The following ADGRG6 variants were observed in gnomAD, a reference collection of about 807,000 sequenced individuals.
ADGRG6 encodes G-protein coupled receptor 126.
ADGRG6 carries 84 observed loss-of-function variants against 142.4 expected under a neutral mutation model. The observed-to-expected ratio is 0.59, with a 90% confidence interval of 0.49 to 0.71. The LOEUF is 0.71. ADGRG6 is among the 30% of genes least tolerant of loss of function. The pLI is 0.00. For missense variants in ADGRG6, 1,367 were observed against 1,466.6 expected, an observed-to-expected ratio of 0.93 and a Z score of 1.11; for synonymous variants, 521 against 520.5, an observed-to-expected ratio of 1.00 and a Z score of -0.01.
At chr6:142,347,569 C>A (rs1583017500) in intron 2 of ADGRG6, among the ~76,000 whole-genome samples, 1 of 152,006 alleles carries the variant, frequency 6.6e-6, no homozygotes, top group East Asian at 1.9e-4. Context: ...CTCAGTGGCA[C>A]AAGGATTCTG....
In ADGRG6 at chr6:142,420,029, G is replaced by T; in HGVS notation, c.3244G>T (p.Gly1082Cys). The T allele has an allele frequency of 6.2e-7, 1 of 1,613,300 alleles. No individual in the cohort carries two copies. Among genetic ancestry groups the T allele is most frequent in the Non-Finnish European group, 8.5e-7 (1 of 1,179,436 alleles). ...GACCTTTCTGTTGGGCATGACATGGGGTTTTGCATTCTTTGCCTGGGGACC... is the reference window on the plus strand; with the variant it reads ...GACCTTTCTGTTGGGCATGACATGGTGTTTTGCATTCTTTGCCTGGGGACC... Reference protein sequence around the residue: ...SLTFLLGMTWGFAFFAWGPLN... With the variant: ...SLTFLLGMTWCFAFFAWGPLN... Residue 1082 changes from glycine to cysteine, a missense_variant, in exon 22 of 25, where the codon GGT becomes TGT. Coordinates refer to ENST00000367609, the MANE Select transcript of ADGRG6 (RefSeq NM_198569.3).
At chr6:142,318,300 ATATT>A (rs1234203985) in intron 2 of ADGRG6, among the ~76,000 whole-genome samples, 1 of 84,502 alleles carries the variant, frequency 1.2e-5, no homozygotes, top group East Asian at 4.0e-4. Flanking sequence ...TATATTATAT[ATATT>A]TATATTATAT....
chr6:142,439,918 T>G (rs894606117), intron 24 of ADGRG6, among the ~76,000 whole-genome samples: 1 of 152,248 alleles, frequency 6.6e-6, no homozygotes, highest in Non-Finnish European at 1.5e-5. Context: ...TGAATTATTT[T>G]TTTCACTTTA....
At position 142,405,836 on chromosome 6, in the gene ADGRG6, C is replaced by CA; in HGVS notation, c.2268+9dup. The CA allele has an allele frequency of 6.4e-7, 1 of 1,565,786 alleles. No homozygotes were observed. The highest frequency in any genetic ancestry group is 1.4e-5 in the African/African-American group (1 of 72,832). On this transcript the variant is annotated intron_variant, in intron 15 of 24. Transcript: ENST00000367609. ...AAAACTGGACTTTTCCAGGTAAGCA[C>CA]ATTCATTAAATTATTGTTTTTCAAC...
In ADGRG6 at chr6:142,402,762, A is replaced by C. The variant is rs1477507939; in HGVS notation, c.1887A>C (p.Ser629=). The C allele has an allele frequency of 6.2e-7, 1 of 1,601,316 alleles. No homozygotes were observed. Among genetic ancestry groups the C allele is most frequent in the East Asian group, 2.2e-5 (1 of 44,716 alleles). The change falls in exon 13 of 25, where the codon TCA becomes TCC. Residue 629 remains serine (S), a synonymous_variant. Coordinates refer to ENST00000367609, the MANE Select transcript of ADGRG6 (RefSeq NM_198569.3). The part of the protein sequence containing the change: ...KEENIDITLG[S]TLMNIFSNIL... ...AAAACATTGATATAACACTTGGCTCAACTCTAATGAATATATTTTCTAATA... is the reference window on the plus strand; with the variant it reads ...AAAACATTGATATAACACTTGGCTCCACTCTAATGAATATATTTTCTAATA...
intron 22 of ADGRG6, among the ~76,000 whole-genome samples, chr6:142,429,401 C>T (rs907673460): frequency 1.5e-5 from 2 of 130,588 alleles, no homozygotes; most frequent in African/African-American, 6.0e-5. Flanking sequence ...ACAAGTGAAA[C>T]ATCAGCTTGG....
At chr6:142,333,222 A>G (rs1401441876) in intron 2 of ADGRG6, among the ~76,000 whole-genome samples, 1 of 152,126 alleles carries the variant, frequency 6.6e-6, no homozygotes, top group Admixed American at 6.5e-5. Context: ...TTGTCATTCA[A>G]ACTCCTCTAG....
chr6:142,362,255 G>A (rs919211163), intron 2 of ADGRG6, among the ~76,000 whole-genome samples: 4 of 152,106 alleles, frequency 2.6e-5, no homozygotes, highest in Non-Finnish European at 5.9e-5. Context: ...TCAAGTAAGC[G>A]GTACCCTTTT....
At chr6:142,402,951 A>G (rs1204093891) in intron 13 of ADGRG6, 121 bp downstream of exon 13, 12 of 518,150 alleles carry the variant, frequency 2.3e-5, no homozygotes, top group Non-Finnish European at 3.3e-5. Context: ...AGATGTATTG[A>G]TAGTCGTTAA....
In ADGRG6 at chr6:142,402,605, C is replaced by T. The variant is rs992870688; in HGVS notation, c.1745-15C>T. On this transcript the variant is annotated splice_polypyrimidine_tract_variant and intron_variant, in intron 12 of 24. Transcript: ENST00000367609. ...AGGTAAAACTTAGTGTTGTTTTCTT[C>T]TGCCTTTGTTTTAGAAGAAGCAAAT... 2 of 1,381,990 alleles carry T rather than the reference C, an allele frequency of 1.4e-6. No homozygotes were observed. Among genetic ancestry groups the T allele is most frequent in the African/African-American group, 1.4e-5 (1 of 70,318 alleles). 85.6% of individuals were successfully genotyped at this position (1,381,990 alleles called of 1,614,324 possible).
At chr6:142,434,222 TATC>T (rs1276286204) in intron 22 of ADGRG6, among the ~76,000 whole-genome samples, 1 of 150,608 alleles carries the variant, frequency 6.6e-6, no homozygotes, top group African/African-American at 2.4e-5. Flanking sequence ...CATATATTAA[TATC>T]AAATAACATA....
Position 142,390,302 on chromosome 6 carries a change from C to A in ADGRG6, c.1267C>A (p.Arg423Ser). 6.2e-7 allele frequency: 1 copy of A among 1,601,022 alleles called. No homozygotes were observed. The highest frequency in any genetic ancestry group is 8.5e-7 in the Non-Finnish European group (1 of 1,170,562). Residue 423 changes from arginine (R) to serine (S), a missense_variant, in exon 7 of 25, where the codon CGT becomes AGT. Arg to Ser is a moderately radical substitution (Grantham distance 110). Around this residue, in one of 3 missense-constraint regions of ADGRG6, gnomAD observed 737 missense variants for 746.5 expected, o/e 0.99. Transcript: ENST00000367609. ...ATCCGTAGTGATTCAGAACATCCTTCGTCACCCTGAGGTAAAAGTACAGAG... is the reference window on the plus strand; with the variant it reads ...ATCCGTAGTGATTCAGAACATCCTTAGTCACCCTGAGGTAAAAGTACAGAG... ...RISVVIQNIL[R>S]HPEVKVQSKV...
chr6:142,402,594 G>GT, intron 12 of ADGRG6, 26 bp from the exon 13 acceptor site: 1 of 1,202,706 alleles, frequency 8.3e-7, no homozygotes, highest in Non-Finnish European at 1.2e-6. Flanking sequence ...AAAACTTAGT[G>GT]TTGTTTTCTT....
intron 24 of ADGRG6, among the ~76,000 whole-genome samples, chr6:142,439,870 T>C (rs769495916): frequency 2.2e-4 from 33 of 152,244 alleles, no homozygotes; most frequent in Non-Finnish European, 4.4e-4. Flanking sequence ...ATTCTACTTA[T>C]TTGGTGGTTC....
intron 22 of ADGRG6, among the ~76,000 whole-genome samples, chr6:142,425,866 CAA>C (rs1776914706): frequency 2.0e-5 from 3 of 152,134 alleles, no homozygotes; most frequent in Admixed American, 2.0e-4. Flanking sequence ...TGGCGGTAGG[CAA>C]AGAGAGAGTT....
At chr6:142,419,284 T>C (rs572446557) in intron 21 of ADGRG6, among the ~76,000 whole-genome samples, 1 of 152,248 alleles carries the variant, frequency 6.6e-6, no homozygotes, top group African/African-American at 2.4e-5. Flanking sequence ...GGACAGAAGA[T>C]GCTGGCTGCG....
At chr6:142,414,132 C>T (rs1322709720) in intron 18 of ADGRG6, among the ~76,000 whole-genome samples, 2 of 152,148 alleles carry the variant, frequency 1.3e-5, no homozygotes, top group Admixed American at 6.5e-5. Context: ...GTACTTTTCT[C>T]CTCCAACCAG....
At chr6:142,398,430 A>T (rs1354508404) in intron 10 of ADGRG6, among the ~76,000 whole-genome samples, 2 of 152,160 alleles carry the variant, frequency 1.3e-5, no homozygotes, top group Non-Finnish European at 1.5e-5. Flanking sequence ...GTCTCAAAAA[A>T]ACAAACAGAA....
rs114704429 is a variant in ADGRG6 at position 142,397,898 on chromosome 6, G to C, written c.1567+143G>C. ...TGGTGAAGTTCAGTAACAAATGAATGACATAGCAGAAAAAAAAAATCAGCT... is the reference window on the plus strand; with the variant it reads ...TGGTGAAGTTCAGTAACAAATGAATCACATAGCAGAAAAAAAAAATCAGCT... On this transcript the variant is annotated intron_variant, in intron 10 of 24. Coordinates refer to ENST00000367609, the MANE Select transcript of ADGRG6 (RefSeq NM_198569.3). 577 of 498,032 alleles carry C rather than the reference G, an allele frequency of 1.2e-3. 1 individual carries two copies. The highest frequency in any genetic ancestry group is 0.011 in the African/African-American group (513 of 47,810). 30.9% of individuals were successfully genotyped at this position (498,032 alleles called of 1,614,324 possible). A position where few individuals can be genotyped will look rare whatever the true frequency, so the allele number is the denominator to read the frequency against.
Sources: gnomAD v4.1 joint callset for allele counts (sites outside exome capture counted in the v4.1 genomes callset) on GRCh38, gnomAD v4.1.1 for gene constraint, gnomAD v4.1.1 regional missense constraint, MANE v1.5 for transcripts, NCBI Gene and HGNC (gene_info 2026-07-23, HGNC 2026-07-21) for gene names.